The following IDH2 variants were observed in gnomAD, a reference collection of about 807,000 sequenced individuals.
The protein encoded by IDH2 is isocitrate dehydrogenase [NADP], mitochondrial.
A neutral mutation model predicts 50.5 loss-of-function variants in IDH2; 18 were observed. The observed-to-expected ratio is 0.36, with a 90% CI of 0.25 to 0.53. The LOEUF (loss-of-function observed/expected upper bound fraction) is 0.53, where lower values mean the gene tolerates loss of function less well. IDH2 is among the 20% of genes least tolerant of loss of function. The pLI, the probability that IDH2 is intolerant of heterozygous loss-of-function variation, is 0.92. For missense variants in IDH2, 518 were observed against 610.7 expected, an observed-to-expected ratio of 0.85 and a Z score of 1.60; for synonymous variants, 280 against 239.8, an observed-to-expected ratio of 1.17 and a Z score of -1.55.
At chr15:90,086,981 C>T in intron 7 of IDH2, 131 bp downstream of exon 7, 1 of 974,256 alleles carries the variant, frequency 1.0e-6, no homozygotes, top group Non-Finnish European at 1.6e-6. Flanking sequence ...CTCCTGCCCC[C>T]TGCTGTCCAC....
chr15:90,085,471 A>C lies in IDH2; in HGVS notation c.968-84T>G. 1.1e-6 allele frequency: 1 copy of C among 918,852 alleles called. No homozygotes were observed. The highest frequency in any genetic ancestry group is 1.7e-6 in the Non-Finnish European group (1 of 576,494). The allele number at this position is 918,852 out of a possible 1,614,324, so 56.9% of individuals were successfully genotyped here. A position where few individuals can be genotyped will look rare whatever the true frequency, so the allele number is the denominator to read the frequency against. ...GCCCTGCTGCCCTCTACAACCCAAT[A>C]TTGTAGCTGCCATAGTTCGTGGCTC... On this transcript the variant is annotated intron_variant, in intron 7 of 10. Coordinates refer to ENST00000330062, the MANE Select transcript of IDH2 (RefSeq NM_002168.4). This position sits in a 1 kb window ranked among gnomAD's most constrained non-coding sequence, Gnocchi z 5.5.
At position 90,088,514 on chromosome 15, in the gene IDH2, A is replaced by C. The variant is rs1316322437; in HGVS notation, c.535-12T>G. The C allele has an allele frequency of 6.2e-7, 1 of 1,614,216 alleles. No homozygotes were observed. Among genetic ancestry groups the C allele is most frequent in the Non-Finnish European group, 8.5e-7 (1 of 1,180,042 alleles). ...TCTGTGGCCTTGTACTGCAGAGACA[A>C]GAGGATGGCTAGGCGAGGAGCTCCA... On this transcript the variant is annotated splice_polypyrimidine_tract_variant and intron_variant, in intron 4 of 10. Coordinates refer to ENST00000330062, the MANE Select transcript of IDH2 (RefSeq NM_002168.4).
chr15:90,087,661 T>G, intron 5 of IDH2, 86 bp from the exon 6 acceptor site: 1 of 1,525,502 alleles, frequency 6.6e-7, no homozygotes, highest in Non-Finnish European at 9.1e-7. Context: ...AAGGCCCAGC[T>G]CTCCAGGAAC....
chr15:90,086,302 C>T (rs1448600408), intron 7 of IDH2, among the ~76,000 whole-genome samples: 1 of 152,202 alleles, frequency 6.6e-6, no homozygotes, highest in Non-Finnish European at 1.5e-5. Flanking sequence ...GCCTGTTTCC[C>T]ACACCTACCA....
At chr15:90,096,800 G>C (rs1301909130) in intron 1 of IDH2, among the ~76,000 whole-genome samples, 1 of 152,098 alleles carries the variant, frequency 6.6e-6, no homozygotes, top group Non-Finnish European at 1.5e-5. Flanking sequence ...TGTAGTCCCA[G>C]CTACTGGGGA....
At position 90,088,626 on chromosome 15, in the gene IDH2, G is replaced by C. The variant is rs2151549596; in HGVS notation, c.495C>G (p.Thr165=). ...KNIPRLVPGW[T]KPITIGRHAH... ...CGTGCCTGCCAATGGTGATGGGCTT[G>C]GTCCAGCCAGGGACTAGGCGTGGGA... Residue 165 remains threonine, a synonymous_variant, in exon 4 of 11, where the codon ACC becomes ACG. Coordinates refer to ENST00000330062, the MANE Select transcript of IDH2 (RefSeq NM_002168.4). 1.2e-6 allele frequency: 2 copies of C among 1,614,226 alleles called. No individual in the cohort carries two copies. The highest frequency in any genetic ancestry group is 1.7e-6 in the Non-Finnish European group (2 of 1,180,050).
In IDH2 at chr15:90,085,404, C is replaced by A; in HGVS notation, c.968-17G>T. 6.5e-7 allele frequency: 1 copy of A among 1,535,734 alleles called. No individual in the cohort carries two copies. Among genetic ancestry groups the A allele is most frequent in the African/African-American group, 1.4e-5 (1 of 72,746 alleles). ...AGCCAAAGCCTGGAGGGTAGAAAGC[C>A]TTTCTCTCAGGGCCTCGCCTCTCCT... On this transcript the variant is annotated splice_polypyrimidine_tract_variant and intron_variant, in intron 7 of 10. Transcript: ENST00000330062. The surrounding 1 kb of genome is among the most constrained non-coding windows in gnomAD (Gnocchi z 5.5).
intron 3 of IDH2, 151 bp downstream of exon 3, chr15:90,090,328 A>C (rs1900999524): frequency 2.6e-6 from 2 of 771,168 alleles, no homozygotes. Flanking sequence ...CCTCAGGTGC[A>C]GTTGGCCTCA....
rs538460237 is a variant in IDH2, at chr15:90,087,189, A to T, written c.890T>A (p.Val297Asp). The change falls in exon 7 of 11, where the codon GTC (valine) becomes GAC (aspartate). Residue 297 changes from valine (V) to aspartate (D), a missense_variant. By Grantham distance (152) the Val-to-Asp change is radical. This residue lies in a region of IDH2 where 23 missense variants were observed against 57.9 expected (regional missense o/e 0.40). Coordinates refer to ENST00000330062, the MANE Select transcript of IDH2 (RefSeq NM_002168.4). ...HRLIDDMVAQ[V>D]LKSSGGFVWA... ...CACAAAGCCACCCGAAGACTTGAGGACCTGAGCCACCATGTCATCAATGAG... is the reference window on the plus strand; with the variant it reads ...CACAAAGCCACCCGAAGACTTGAGGTCCTGAGCCACCATGTCATCAATGAG... 6.2e-7 allele frequency: 1 copy of T among 1,613,992 alleles called. No individual in the cohort carries two copies. The highest frequency in any genetic ancestry group is 8.5e-7 in the Non-Finnish European group (1 of 1,179,998).
Position 90,083,840 on chromosome 15 carries a change from C to T in IDH2, c.*426G>A, listed in dbSNP as rs1352448036. ...CCCTGTGGAATGCGGGCTCCCAGGG[C>T]TGCCTGGTCCCTTCCCTGCCGTGGC... On this transcript the variant is annotated 3_prime_UTR_variant, in exon 11 of 11. Transcript: ENST00000330062. 1 of 292,402 alleles carries T rather than the reference C, an allele frequency of 3.4e-6. No individual in the cohort carries two copies. The highest frequency in any genetic ancestry group is 5.6e-5 in the East Asian group (1 of 17,760). 18.1% of individuals were successfully genotyped at this position (292,402 alleles called of 1,614,324 possible). A position where few individuals can be genotyped will look rare whatever the true frequency, so the allele number is the denominator to read the frequency against.
chr15:90,085,367 T>C lies in IDH2; in HGVS notation c.988A>G (p.Met330Val). The C allele has an allele frequency of 6.4e-7, 1 of 1,557,282 alleles. No individual in the cohort carries two copies. The highest frequency in any genetic ancestry group is 8.7e-7 in the Non-Finnish European group (1 of 1,149,776). ...LAQGFGSLGLMTSVLVCPDGK... is the reference protein window; with the variant it reads ...LAQGFGSLGLVTSVLVCPDGK... ...TCAGGGCAGACCAGGACGGACGTCA[T>C]CAGGCCAAGGGAGCCAAAGCCTGGA... The change falls in exon 8 of 11, where the codon ATG becomes GTG. Residue 330 changes from methionine to valine, a missense_variant. This residue lies in a region of IDH2 where 23 missense variants were observed against 57.9 expected (regional missense o/e 0.40). Coordinates refer to ENST00000330062, the MANE Select transcript of IDH2 (RefSeq NM_002168.4). This position sits in a 1 kb window ranked among gnomAD's most constrained non-coding sequence, Gnocchi z 5.5.
intron 1 of IDH2, among the ~76,000 whole-genome samples, chr15:90,093,089 G>A (rs1901086448): frequency 6.6e-6 from 1 of 152,254 alleles, no homozygotes; most frequent in Non-Finnish European, 1.5e-5. Context: ...AAAGAACACT[G>A]GCTAGCTGCG....
chr15:90,093,878 C>T (rs566262844), intron 1 of IDH2, among the ~76,000 whole-genome samples: 1 of 150,648 alleles, frequency 6.6e-6, no homozygotes, highest in South Asian at 2.1e-4. Context: ...CTTTGGCCTC[C>T]CAAAGTGCTG....
intron 1 of IDH2, 121 bp from the exon 2 acceptor site, chr15:90,091,765 C>T (rs201372326): frequency 1.9e-5 from 15 of 801,350 alleles, no homozygotes; most frequent in East Asian, 1.0e-4. Context: ...TCCAGCTGCC[C>T]GGTGTCCACT....
At chr15:90,089,379 A>G (rs2151550578) in intron 3 of IDH2, among the ~76,000 whole-genome samples, 1 of 152,326 alleles carries the variant, frequency 6.6e-6, no homozygotes, top group Non-Finnish European at 1.5e-5. Context: ...TCTGTTGGCC[A>G]TTATGATTCC....
intron 3 of IDH2, among the ~76,000 whole-genome samples, chr15:90,089,466 C>T (rs1280228767): frequency 6.6e-6 from 1 of 152,196 alleles, no homozygotes; most frequent in Admixed American, 6.5e-5. Flanking sequence ...GCCCACTCCA[C>T]ATGCTCCGGT....
At position 90,087,532 on chromosome 15, in the gene IDH2, T is replaced by C. The variant is rs1400443978; in HGVS notation, c.722A>G (p.Gln241Arg). The change falls in exon 6 of 11, where the codon CAG (glutamine) becomes CGG (arginine). Residue 241 changes from glutamine to arginine, a missense_variant. By Grantham distance (43) the Gln-to-Arg change is conservative (BLOSUM62 1). Transcript: ENST00000330062. ...GCTCATGTACAGCGGCCATTTCTTC[T>C]GGATGGCATACTGGAAGCAGCTGTG... Reference protein sequence around the residue: ...FAHSCFQYAIQKKWPLYMSTK... With the variant: ...FAHSCFQYAIRKKWPLYMSTK... 4.3e-6 allele frequency: 7 copies of C among 1,614,074 alleles called. No individual in the cohort carries two copies. Among genetic ancestry groups the C allele is most frequent in the Non-Finnish European group, 5.9e-6 (7 of 1,180,018 alleles).
Position 90,085,429 on chromosome 15 carries a change from T to C in IDH2, c.968-42A>G. ...CTTTCTCTCAGGGCCTCGCCTCTCCTGGGGCCACCCAGCTGAGCCCTGCTG... is the reference window on the plus strand; with the variant it reads ...CTTTCTCTCAGGGCCTCGCCTCTCCCGGGGCCACCCAGCTGAGCCCTGCTG... On this transcript the variant is annotated intron_variant, in intron 7 of 10. Coordinates refer to ENST00000330062, the MANE Select transcript of IDH2 (RefSeq NM_002168.4). This position sits in a 1 kb window ranked among gnomAD's most constrained non-coding sequence, Gnocchi z 5.5. 1 of 1,383,058 alleles carries C rather than the reference T, an allele frequency of 7.2e-7. No individual in the cohort carries two copies. The highest frequency in any genetic ancestry group is 1.0e-6 in the Non-Finnish European group (1 of 994,900). 85.7% of individuals were successfully genotyped at this position (1,383,058 alleles called of 1,614,324 possible). A position where few individuals can be genotyped will look rare whatever the true frequency, so the allele number is the denominator to read the frequency against.
At chr15:90,090,367 C>G (rs1428435173) in intron 3 of IDH2, 112 bp downstream of exon 3, 1 of 1,200,696 alleles carries the variant, frequency 8.3e-7, no homozygotes, top group African/African-American at 1.5e-5. Context: ...AGCCTCCCAA[C>G]CTCCCAGTCC....
Sources: gnomAD v4.1 joint callset for allele counts (sites outside exome capture counted in the v4.1 genomes callset) on GRCh38, gnomAD v4.1.1 for gene constraint, gnomAD v4.1.1 regional missense constraint, Gnocchi (gnomAD v3.1) non-coding constraint, MANE v1.5 for transcripts, NCBI Gene and HGNC (gene_info 2026-07-23, HGNC 2026-07-21) for gene names.